ATP6V0E1: variants seen among roughly 807,000 people sequenced by gnomAD.
ATP6V0E1 encodes the protein ATPase H+ transporting V0 subunit e1, also known as V-type proton ATPase subunit e 1.
Under a neutral mutation model 11.6 loss-of-function variants are expected in ATP6V0E1, and 4 were observed. That is an observed-to-expected ratio of 0.35 (90% CI 0.17 to 0.79). ATP6V0E1 has a LOEUF of 0.79. Among genes scored for constraint, ATP6V0E1 ranks in the 30% least tolerant of loss-of-function variants. The pLI, the probability that ATP6V0E1 is intolerant of heterozygous loss-of-function variation, is 0.54. For synonymous variants in ATP6V0E1, 36 were observed against 34.8 expected, an observed-to-expected ratio of 1.04 and a Z score of -0.13; for missense variants, 105 against 100.0, an observed-to-expected ratio of 1.05 and a Z score of -0.21.
intron 2 of ATP6V0E1, among the ~76,000 whole-genome samples, chr5:173,011,175 C>CTTTTTTTTTTT (rs754605378): frequency 8.7e-6 from 1 of 114,702 alleles, no homozygotes; most frequent in Admixed American, 9.4e-5. Context: ...CCTGATTTAT[C>CTTTTTTTTTTT]TTTTTTTTTT....
At chr5:172,992,468 C>T (rs1207336886) in intron 1 of ATP6V0E1, among the ~76,000 whole-genome samples, 1 of 152,112 alleles carries the variant, frequency 6.6e-6, no homozygotes, top group African/African-American at 2.4e-5. Flanking sequence ...GTCAGCCACA[C>T]AGACCCCTTC....
chr5:172,993,688 C>CCCT (rs1554118448), intron 1 of ATP6V0E1, among the ~76,000 whole-genome samples: 1 of 130,700 alleles, frequency 7.7e-6, no homozygotes, highest in Non-Finnish European at 1.6e-5. Flanking sequence ...GACCCCCCCC[C>CCCT]CCGACCCCAC....
chr5:173,017,272 C>A (rs505716), intron 2 of ATP6V0E1, among the ~76,000 whole-genome samples: 1 of 151,922 alleles, frequency 6.6e-6, no homozygotes, highest in African/African-American at 2.4e-5. Flanking sequence ...GGTGGCTCAC[C>A]CCTGTAATCC....
Position 173,033,899 on chromosome 5 carries a change from G to A in ATP6V0E1, c.*37-500G>A, listed in dbSNP as rs569220489. Among the ~76,000 whole-genome samples the A allele has an allele frequency of 1.2e-3, 176 of 152,186 alleles. 1 individual carries two copies. Among genetic ancestry groups the A allele is most frequent in the African/African-American group, 4.0e-3 (166 of 41,518 alleles). On this transcript the variant is annotated intron_variant, in intron 3 of 3. Coordinates refer to ENST00000519374, the MANE Select transcript of ATP6V0E1 (RefSeq NM_003945.4). Reference sequence around the variant, plus strand: ...AAAAAGATGGTGTTGAATTTAAGCTGCTAGAAAAAGAAAAGTGTCATTTGT... The same window carrying A: ...AAAAAGATGGTGTTGAATTTAAGCTACTAGAAAAAGAAAAGTGTCATTTGT...
At chr5:173,027,459 G>A (rs1756581663) in intron 3 of ATP6V0E1, among the ~76,000 whole-genome samples, 1 of 151,194 alleles carries the variant, frequency 6.6e-6, no homozygotes, top group East Asian at 1.9e-4. Context: ...CCGAGATCGT[G>A]CCACTGCACT....
chr5:173,012,848 A>G lies in ATP6V0E1; in HGVS notation c.153-7390A>G, dbSNP rs138455765. On this transcript the variant is annotated intron_variant, in intron 2 of 3. Transcript: ENST00000519374. ...GGACAACTCTTCAGAGCATTGGTCTAGGCAAAAGTTTTATGACTAAGACCT... is the reference window on the plus strand; with the variant it reads ...GGACAACTCTTCAGAGCATTGGTCTGGGCAAAAGTTTTATGACTAAGACCT... 2.4e-3 allele frequency among the ~76,000 whole-genome samples: 363 copies of G among 152,212 alleles called. 10 individuals carry two copies. The East Asian group carries it at 0.057, about 24-fold the overall frequency.
At position 173,031,180 on chromosome 5, in the gene ATP6V0E1, A is replaced by G. The variant is rs554485923; in HGVS notation, c.*37-3219A>G. Among the ~76,000 whole-genome samples, 310 of 151,452 alleles carry G rather than the reference A, an allele frequency of 2.0e-3. 1 individual carries two copies. Among genetic ancestry groups the G allele is most frequent in the Non-Finnish European group, 3.1e-3 (211 of 67,840 alleles). On this transcript the variant is annotated intron_variant, in intron 3 of 3. Transcript: ENST00000519374. Reference sequence around the variant, plus strand: ...AGGATGGTCTCGATCTCCTGACCTCATGATCTGCCCGCCTCGGCTTCCCAA... The same window carrying G: ...AGGATGGTCTCGATCTCCTGACCTCGTGATCTGCCCGCCTCGGCTTCCCAA...
intron 3 of ATP6V0E1, among the ~76,000 whole-genome samples, chr5:173,021,882 A>AAAATTAGCTGGGCAC (rs1756492440): frequency 6.6e-6 from 1 of 152,126 alleles, no homozygotes; most frequent in South Asian, 2.1e-4. Context: ...AAAAATACAA[A>AAAATTAGCTGGGCAC]AAATTAGCTG....
chr5:172,996,331 G>A (rs754390023), intron 2 of ATP6V0E1, among the ~76,000 whole-genome samples: 1 of 151,974 alleles, frequency 6.6e-6, no homozygotes, highest in African/African-American at 2.4e-5. Flanking sequence ...AGGCCGAGGC[G>A]GGTGGATCAC....
chr5:173,006,153 T>G (rs1756226935), intron 2 of ATP6V0E1, among the ~76,000 whole-genome samples: 1 of 152,212 alleles, frequency 6.6e-6, no homozygotes, highest in South Asian at 2.1e-4. Flanking sequence ...GTTTTTTATC[T>G]ACTACTTTTA....
Position 173,020,257 on chromosome 5 carries a change from G to T in ATP6V0E1, c.172G>T (p.Ala58Ser), listed in dbSNP as rs760791016. 21 of 1,613,356 alleles carry T rather than the reference G, an allele frequency of 1.3e-5. No individual in the cohort carries two copies. In the Admixed American group the frequency reaches 3.0e-4, roughly 23 times the overall value. ...CYLFWLIAIL[A>S]QLNPLFGPQL... is the part of the protein sequence containing the mutation. ...TTTTAGTTGGCTGATTGCAATTCTGGCCCAACTCAACCCTCTCTTTGGACC... is the reference window on the plus strand; with the variant it reads ...TTTTAGTTGGCTGATTGCAATTCTGTCCCAACTCAACCCTCTCTTTGGACC... The change falls in exon 3 of 4, where the codon GCC becomes TCC. Residue 58 changes from alanine (A) to serine (S), a missense_variant. Transcript: ENST00000519374.
intron 2 of ATP6V0E1, among the ~76,000 whole-genome samples, chr5:173,000,359 A>G (rs1164680724): frequency 6.6e-6 from 1 of 152,154 alleles, no homozygotes; most frequent in African/African-American, 2.4e-5. Context: ...TTAAGTTACT[A>G]TACTATATTT....
chr5:173,013,574 CAAAAAAA>C (rs35084966), intron 2 of ATP6V0E1, among the ~76,000 whole-genome samples: 2 of 61,638 alleles, frequency 3.2e-5, no homozygotes, highest in African/African-American at 4.7e-5. Context: ...GACTCCATCT[CAAAAAAA>C]AAAAAAAAAA....
intron 2 of ATP6V0E1, among the ~76,000 whole-genome samples, chr5:173,015,855 T>G (rs1184253663): frequency 6.6e-6 from 1 of 152,184 alleles, no homozygotes; most frequent in African/African-American, 2.4e-5. Flanking sequence ...CCCTCCCAAG[T>G]AGCTGGGACT....
At chr5:173,007,264 C>T (rs1002364311) in intron 2 of ATP6V0E1, among the ~76,000 whole-genome samples, 4 of 152,140 alleles carry the variant, frequency 2.6e-5, no homozygotes, top group African/African-American at 7.2e-5. Context: ...CATGAGCCAC[C>T]GCAGCTGGTC....
At chr5:173,028,458 C>G (rs1018468809) in intron 3 of ATP6V0E1, among the ~76,000 whole-genome samples, 9 of 152,176 alleles carry the variant, frequency 5.9e-5, no homozygotes, top group African/African-American at 2.2e-4. Flanking sequence ...TGGTTTAGTA[C>G]ATGATTCCTT....
At chr5:173,002,310 G>A (rs980681343) in intron 2 of ATP6V0E1, among the ~76,000 whole-genome samples, 6 of 152,116 alleles carry the variant, frequency 3.9e-5, no homozygotes, top group Non-Finnish European at 8.8e-5. Context: ...CAGCTTGCTG[G>A]AATCAAGGTC....
In ATP6V0E1 at chr5:172,992,943, G is replaced by T. The variant is rs492881; in HGVS notation, c.105-1832G>T. Among the ~76,000 whole-genome samples the T allele has an allele frequency of 5.2e-3, 791 of 152,024 alleles. 2 individuals are homozygous for T. The highest frequency in any genetic ancestry group is 0.018 in the African/African-American group (748 of 41,484). The stretch of plus-strand genomic sequence containing the variant: ...CTCCTGAGCAGCTGGGATTACAGGC[G>T]AGCACCACCACGCCCAGCTAATTTT... On this transcript the variant is annotated intron_variant, in intron 1 of 3. Coordinates refer to ENST00000519374, the MANE Select transcript of ATP6V0E1 (RefSeq NM_003945.4).
chr5:173,014,228 T>C (rs1167454400), intron 2 of ATP6V0E1, among the ~76,000 whole-genome samples: 1 of 151,210 alleles, frequency 6.6e-6, no homozygotes, highest in Non-Finnish European at 1.5e-5. Context: ...AAGGAAACTT[T>C]TATACACTGT....
Sources: allele counts gnomAD v4.1 joint callset (sites outside exome capture counted in the v4.1 genomes callset), GRCh38; gene constraint gnomAD v4.1.1; transcripts MANE v1.5; gene names NCBI Gene and HGNC (gene_info 2026-07-23, HGNC 2026-07-21).